Variants in TPTE observed in about 807,000 individuals in gnomAD.
The protein encoded by TPTE is transmembrane phosphatase with tensin homology.
A neutral mutation model predicts 84.1 loss-of-function variants in TPTE; 59 were observed. That is an observed-to-expected ratio of 0.70 (90% confidence interval 0.57 to 0.87). The LOEUF (loss-of-function observed/expected upper bound fraction) is 0.87, where lower values mean the gene tolerates loss of function less well. Among genes scored for constraint, TPTE ranks in the 40% least tolerant of loss-of-function variants. TPTE has a pLI of 0.00. For missense variants in TPTE, 382 were observed against 659.6 expected (o/e 0.58, Z 4.61); for synonymous variants, 130 against 223.5 (o/e 0.58, Z 3.73).
chr21:10,593,594 T>C (rs1166900776), intron 19 of TPTE, among the ~76,000 whole-genome samples: 1 of 152,306 alleles, frequency 6.6e-6, no homozygotes, highest in African/African-American at 2.4e-5. Context: ...CTCTATTCAC[T>C]ATCTCATTTA....
At chr21:10,576,450 A>G in intron 14 of TPTE, 1 of 169,020 alleles carries the variant, frequency 5.9e-6, no homozygotes, top group Non-Finnish European at 1.3e-5. Context: ...AGAGATTGAT[A>G]AGAACAAAGC....
chr21:10,578,620 C>T lies in TPTE; in HGVS notation c.1027+15C>T. The T allele has an allele frequency of 6.2e-7, 1 of 1,611,902 alleles. No homozygotes were observed. The highest frequency in any genetic ancestry group is 2.2e-5 in the East Asian group (1 of 44,834). On this transcript the variant is annotated intron_variant, in intron 17 of 23. Transcript: ENST00000618007. ...AGGAGGCACAGGTAATAACATTTTC[C>T]TTTTTATTTCTCCATTTCTAAAGAC...
Position 10,541,109 on chromosome 21 carries a change from T to C in TPTE, c.12-3T>C, listed in dbSNP as rs747758429. 6.2e-7 allele frequency: 1 copy of C among 1,613,030 alleles called. No individual in the cohort carries two copies. The highest frequency in any genetic ancestry group is 1.1e-5 in the South Asian group (1 of 91,078). On this transcript the variant is annotated splice_region_variant and splice_polypyrimidine_tract_variant and intron_variant, in intron 4 of 23. Coordinates refer to ENST00000618007, the MANE Select transcript of TPTE (RefSeq NM_199261.4). ...TCTGACTCTGACCATATTTGTCCTT[T>C]AGTCCTGATCCGACTGACCTGGCGG...
chr21:10,592,711 T>C (rs1305331458), intron 19 of TPTE, among the ~76,000 whole-genome samples: 1 of 152,312 alleles, frequency 6.6e-6, no homozygotes, highest in Non-Finnish European at 1.5e-5. Flanking sequence ...AGCCTTTGAT[T>C]TCAATGTAAA....
intron 17 of TPTE, among the ~76,000 whole-genome samples, chr21:10,585,928 T>A (rs1236303861): frequency 2.0e-5 from 3 of 152,302 alleles, no homozygotes; most frequent in East Asian, 3.8e-4. Flanking sequence ...GTTCCCTTTT[T>A]TATTCCTGAC....
chr21:10,567,652 T>C lies in TPTE; in HGVS notation c.447-18T>C. 1 of 1,609,048 alleles carries C rather than the reference T, an allele frequency of 6.2e-7. No homozygotes were observed. Among genetic ancestry groups the C allele is most frequent in the Non-Finnish European group, 8.5e-7 (1 of 1,178,638 alleles). On this transcript the variant is annotated intron_variant, in intron 10 of 23. Coordinates refer to ENST00000618007, the MANE Select transcript of TPTE (RefSeq NM_199261.4). ...TTGCAGGGGGGAATGAACTTATTTT[T>C]TTTGTTTTATATTACAGGAGACAGC...
intron 3 of TPTE, among the ~76,000 whole-genome samples, chr21:10,538,318 G>A (rs1298894914): frequency 1.3e-5 from 2 of 152,304 alleles, no homozygotes; most frequent in African/African-American, 4.8e-5. Flanking sequence ...AAGTGAAGAA[G>A]TAATGGAGGG....
intron 8 of TPTE, among the ~76,000 whole-genome samples, chr21:10,552,986 T>G (rs1338726587): frequency 6.6e-6 from 1 of 152,310 alleles, no homozygotes; most frequent in Non-Finnish European, 1.5e-5. Context: ...ATTAAAAGTT[T>G]TTTTTAAAAA....
chr21:10,525,069 G>A lies in TPTE; in HGVS notation c.-102+381G>A, dbSNP rs2074054624. 2.0e-5 allele frequency among the ~76,000 whole-genome samples: 3 copies of A among 152,426 alleles called. No individual in the cohort carries two copies. The South Asian group carries it at 6.2e-4, about 32-fold the overall frequency. On this transcript the variant is annotated intron_variant, in intron 2 of 23. Coordinates refer to ENST00000618007, the MANE Select transcript of TPTE (RefSeq NM_199261.4). ...CCTAATGTTGGATGCTCTGTTCAAG[G>A]ATGGTAAGCTAGTGTTCAGCTCAGG...
At chr21:10,531,012 T>G (rs1335683150) in intron 3 of TPTE, among the ~76,000 whole-genome samples, 4 of 152,308 alleles carry the variant, frequency 2.6e-5, no homozygotes, top group South Asian at 4.1e-4. Context: ...CCTATCTTTG[T>G]CTTGTTAATT....
intron 20 of TPTE, 152 bp from the exon 21 acceptor site, chr21:10,597,863 A>C: frequency 1.8e-6 from 2 of 1,120,230 alleles, no homozygotes; most frequent in Non-Finnish European, 2.5e-6. Flanking sequence ...TGTCTTTCAA[A>C]GACAAAATCC....
At chr21:10,596,324 C>T (rs1463635360) in intron 20 of TPTE, among the ~76,000 whole-genome samples, 4 of 152,396 alleles carry the variant, frequency 2.6e-5, no homozygotes, top group African/African-American at 9.6e-5. Flanking sequence ...GGACTTCATC[C>T]CTTTCCCATC....
At chr21:10,523,191 T>G (rs143822533) in intron 1 of TPTE, among the ~76,000 whole-genome samples, 1,058 of 151,922 alleles carry the variant, frequency 7.0e-3, no homozygotes, top group Non-Finnish European at 0.011. Context: ...ACTAGAGAGA[T>G]AGTCTCTGCT....
At chr21:10,548,726 C>T (rs866927542) in intron 7 of TPTE, among the ~76,000 whole-genome samples, 128 of 152,368 alleles carry the variant, frequency 8.4e-4, no homozygotes, top group African/African-American at 3.1e-3. Context: ...CCATGAGTTT[C>T]CCCCAGCAGA....
At chr21:10,532,567 A>G (rs1450254260) in intron 3 of TPTE, among the ~76,000 whole-genome samples, 1 of 152,286 alleles carries the variant, frequency 6.6e-6, no homozygotes, top group Admixed American at 6.5e-5. Context: ...TCCTTTTCCA[A>G]CCTCTCTACT....
chr21:10,544,004 G>A (rs376235279), intron 7 of TPTE, among the ~76,000 whole-genome samples: 1,806 of 151,506 alleles, frequency 0.012, no homozygotes, highest in South Asian at 0.06. Context: ...CAGGTGTGCG[G>A]GTACTTCACT....
Position 10,564,632 on chromosome 21 carries a change from A to G in TPTE, c.447-3038A>G, listed in dbSNP as rs549342055. 6.6e-5 allele frequency among the ~76,000 whole-genome samples: 10 copies of G among 152,422 alleles called. No homozygotes were observed. The East Asian group carries it at 1.9e-3, about 29-fold the overall frequency. On this transcript the variant is annotated intron_variant, in intron 10 of 23. Transcript: ENST00000618007. ...ATACTAGAAAACTGAATTCAACAAT[A>G]TATGGGAAAGATCACTCATCATGAC... is the stretch of plus-strand genomic sequence containing the variant.
intron 14 of TPTE, among the ~76,000 whole-genome samples, chr21:10,572,502 AT>A (rs1443044237): frequency 6.6e-6 from 1 of 152,302 alleles, no homozygotes; most frequent in African/African-American, 2.4e-5. Context: ...AGAAAAAAGC[AT>A]CAAGTCACAT....
intron 13 of TPTE, among the ~76,000 whole-genome samples, chr21:10,570,212 CAG>C (rs1323569520): frequency 5.9e-5 from 9 of 152,304 alleles, no homozygotes; most frequent in South Asian, 2.1e-4. Flanking sequence ...ATTCTAAGAA[CAG>C]GGGGAACTTC....
Sources: allele counts gnomAD v4.1 joint callset (sites outside exome capture counted in the v4.1 genomes callset), GRCh38; gene constraint gnomAD v4.1.1; transcripts MANE v1.5; gene names NCBI Gene and HGNC (gene_info 2026-07-23, HGNC 2026-07-21).